PPP6R2: variants seen among roughly 807,000 people sequenced by gnomAD.
The protein encoded by PPP6R2 is serine/threonine-protein phosphatase 6 regulatory subunit 2.
Under a neutral mutation model 100.2 loss-of-function variants are expected in PPP6R2, and 62 were observed. That is an observed-to-expected ratio of 0.62 (90% CI 0.50 to 0.76). The LOEUF (loss-of-function observed/expected upper bound fraction) is 0.76, where lower values mean the gene tolerates loss of function less well. Among genes scored for constraint, PPP6R2 ranks in the 30% least tolerant of loss-of-function variants. The probability of loss-of-function intolerance (pLI) is 0.00; values close to 1 mark genes in which losing one functional copy is unlikely to be tolerated. For synonymous variants in PPP6R2, 525 were observed against 514.7 expected, an observed-to-expected ratio of 1.02 and a Z score of -0.27; for missense variants, 1,142 against 1,276.3, an observed-to-expected ratio of 0.89 and a Z score of 1.60.
At chr22:50,332,206 A>G in the PPP6R2 span, among the ~76,000 whole-genome samples, 2 of 151,856 alleles carry the variant, frequency 1.3e-5, no homozygotes, top group African/African-American at 4.8e-5. Context: ...AAGTCAAATA[A>G]TACTTTTTAT....
intron 3 of PPP6R2, among the ~76,000 whole-genome samples, chr22:50,397,761 G>A (rs12483819): frequency 0.014 from 31 of 2,242 alleles, 6 homozygotes; most frequent in East Asian, 0.019. Flanking sequence ...GGATGGGGGC[G>A]GGGGGGCCTG....
At chr22:50,379,655 G>C (rs117865134) in intron 2 of PPP6R2, among the ~76,000 whole-genome samples, 2,844 of 152,260 alleles carry the variant, frequency 0.019, 31 homozygotes, top group East Asian at 0.033. Flanking sequence ...CACTTTGGGA[G>C]GGTCACTTGA....
intron 3 of PPP6R2, among the ~76,000 whole-genome samples, chr22:50,397,521 G>A (rs2057150110): frequency 1.3e-5 from 2 of 149,620 alleles, no homozygotes; most frequent in Admixed American, 1.3e-4. Context: ...TGCCTCTGAG[G>A]AGCATGACTT....
chr22:50,366,441 T>C (rs1199897455), intron 1 of PPP6R2, among the ~76,000 whole-genome samples: 1 of 151,920 alleles, frequency 6.6e-6, no homozygotes, highest in African/African-American at 2.4e-5. Flanking sequence ...GTAGCTGGGA[T>C]TACAGGTGCC....
intron 7 of PPP6R2, 97 bp downstream of exon 7, chr22:50,419,076 T>C: frequency 3.1e-6 from 3 of 979,322 alleles, no homozygotes; most frequent in Non-Finnish European, 4.8e-6. Context: ...TGTTGCCACC[T>C]CCTCTGATTC....
At chr22:50,365,932 G>C (rs1037881414) in intron 1 of PPP6R2, among the ~76,000 whole-genome samples, 1 of 151,972 alleles carries the variant, frequency 6.6e-6, no homozygotes, top group African/African-American at 2.4e-5. Flanking sequence ...GGTTGGTTTT[G>C]TGTTGTTTTT....
chr22:50,375,798 T>TA (rs1398403667), intron 2 of PPP6R2, among the ~76,000 whole-genome samples: 2 of 147,848 alleles, frequency 1.4e-5, no homozygotes, highest in Non-Finnish European at 3.0e-5. Flanking sequence ...TGGAAGAAGT[T>TA]ACCTTCATCC....
At chr22:50,332,594 A>G in the PPP6R2 span, among the ~76,000 whole-genome samples, 1 of 148,186 alleles carries the variant, frequency 6.7e-6, no homozygotes, top group African/African-American at 2.5e-5. Flanking sequence ...ATTTTTGTGT[A>G]TGGTATGAGA....
At chr22:50,356,400 T>C (rs2046592175) in intron 1 of PPP6R2, among the ~76,000 whole-genome samples, 1 of 151,262 alleles carries the variant, frequency 6.6e-6, no homozygotes, top group Non-Finnish European at 1.5e-5. Flanking sequence ...CTTCCCAGGC[T>C]GAGGTAGTCA....
Position 50,414,559 on chromosome 22 carries a change from C to T in PPP6R2, c.422C>T (p.Thr141Met), listed in dbSNP as rs146030969. Residue 141 changes from threonine to methionine, a missense_variant, in exon 5 of 24, where the codon ACG (threonine) becomes ATG (methionine). Transcript: ENST00000612753. Reference protein sequence around the residue: ...LIARKTEQVITFLKKKDKFIS... With the variant: ...LIARKTEQVIMFLKKKDKFIS... ...AGGTGTGTGTGATTTCAGGTGATTACGTTTTTGAAGAAGAAGGACAAGTTC... is the reference window on the plus strand; with the variant it reads ...AGGTGTGTGTGATTTCAGGTGATTATGTTTTTGAAGAAGAAGGACAAGTTC... 79 of 1,613,936 alleles carry T rather than the reference C, an allele frequency of 4.9e-5. No homozygotes were observed. In the African/African-American group the frequency reaches 6.7e-4, roughly 14 times the overall value.
At chr22:50,436,006 C>G (rs181136201) in intron 13 of PPP6R2, among the ~76,000 whole-genome samples, 1 of 152,214 alleles carries the variant, frequency 6.6e-6, no homozygotes, top group Non-Finnish European at 1.5e-5. Context: ...AGGAAGCTGG[C>G]TGCTTTCTCA....
At chr22:50,333,572 TCCGCCCACC>T in the PPP6R2 span, among the ~76,000 whole-genome samples, 1 of 152,166 alleles carries the variant, frequency 6.6e-6, no homozygotes, top group African/African-American at 2.4e-5. Context: ...GACCTCGTGA[TCCGCCCACC>T]TCGGCCTCCC....
At chr22:50,337,203 G>C in the PPP6R2 span, among the ~76,000 whole-genome samples, 1 of 99,304 alleles carries the variant, frequency 1.0e-5, no homozygotes, top group Non-Finnish European at 1.9e-5. Context: ...GTGCTGTGTG[G>C]GTATAGTGTG....
At chr22:50,439,224 C>CG (rs1397445956) in intron 19 of PPP6R2, among the ~76,000 whole-genome samples, 2 of 152,168 alleles carry the variant, frequency 1.3e-5, no homozygotes, top group African/African-American at 4.8e-5. Flanking sequence ...ACTTTGGTGG[C>CG]GGGGGCAGAG....
intron 2 of PPP6R2, among the ~76,000 whole-genome samples, chr22:50,384,419 G>T (rs906859168): frequency 6.6e-6 from 1 of 152,014 alleles, no homozygotes; most frequent in African/African-American, 2.4e-5. Flanking sequence ...GCCGGGCGTC[G>T]TGGCGGGTGC....
rs567573882 is a variant in PPP6R2, at chr22:50,416,074, C to G, written c.553-18C>G. ...AGACTTGAGCAGCGACACTGAAAGG[C>G]CTCTTTTTCTCTTTCAGTGGCTGAA... On this transcript the variant is annotated intron_variant, in intron 5 of 23. Transcript: ENST00000612753. 6.2e-6 allele frequency: 10 copies of G among 1,606,830 alleles called. No individual in the cohort carries two copies. The South Asian group carries it at 8.8e-5, about 14-fold the overall frequency.
rs534483054 is a variant in PPP6R2 at position 50,358,716 on chromosome 22, A to G, written c.-147-13304A>G. 4.6e-5 allele frequency among the ~76,000 whole-genome samples: 7 copies of G among 152,050 alleles called. No individual in the cohort carries two copies. In the East Asian group the frequency reaches 1.4e-3, roughly 29 times the overall value. The stretch of plus-strand genomic sequence containing the variant: ...TGCTGATCTCTTTTCTGTATGATCC[A>G]TCTTGCTTTAATTTTTGTGTGTGAT... On this transcript the variant is annotated intron_variant, in intron 1 of 23. Transcript: ENST00000612753.
chr22:50,386,444 A>G (rs935840786), intron 2 of PPP6R2, among the ~76,000 whole-genome samples: 1 of 152,132 alleles, frequency 6.6e-6, no homozygotes, highest in African/African-American at 2.4e-5. Context: ...CCCGGCCTTA[A>G]GTTTTAACAT....
At chr22:50,379,210 T>C (rs934566999) in intron 2 of PPP6R2, among the ~76,000 whole-genome samples, 1 of 152,082 alleles carries the variant, frequency 6.6e-6, no homozygotes, top group African/African-American at 2.4e-5. Context: ...TTCTCAAGAA[T>C]AGGGGCCAGG....
Sources: gnomAD v4.1 joint callset for allele counts (sites outside exome capture counted in the v4.1 genomes callset) on GRCh38, gnomAD v4.1.1 for gene constraint, MANE v1.5 for transcripts, NCBI Gene and HGNC (gene_info 2026-07-23, HGNC 2026-07-21) for gene names.